Variants in DMD observed in about 807,000 individuals in gnomAD.
DMD encodes the protein mutant dystrophin.
Under a neutral mutation model 330.1 loss-of-function variants are expected in DMD, and 63 were observed. That is an observed-to-expected ratio of 0.19 (90% CI 0.16 to 0.24). DMD has a LOEUF of 0.24. DMD is among the 10% of genes least tolerant of loss of function. The pLI is 1.00. For synonymous variants in DMD, 1,223 were observed against 959.8 expected, an observed-to-expected ratio of 1.27 and a Z score of -5.07; for missense variants, 3,344 against 2,684.1, an observed-to-expected ratio of 1.25 and a Z score of -5.43.
rs138744508 is a variant in DMD at position 32,445,680 on chromosome X, G to A, written c.3786+2776C>T. On this transcript the variant is annotated intron_variant, in intron 27 of 78. Transcript: ENST00000357033. ...GGTGTAGTTATTGGAAAAATAAGACGGTGTCATGTTTATTACTCATTAAGT... is the reference window on the plus strand; with the variant it reads ...GGTGTAGTTATTGGAAAAATAAGACAGTGTCATGTTTATTACTCATTAAGT... Among the ~76,000 whole-genome samples, 138 of 110,113 alleles carry A rather than the reference G, an allele frequency of 1.3e-3. 1 individual carries two copies. The highest frequency in any genetic ancestry group is 4.7e-3 in the Middle Eastern group (1 of 215).
chrX:32,088,109 T>C (rs778969460), intron 44 of DMD, among the ~76,000 whole-genome samples: 1 of 112,383 alleles, frequency 8.9e-6, no homozygotes, highest in Non-Finnish European at 1.9e-5. Context: ...ATTTTATCCA[T>C]ATGTTAAATT....
At chrX:32,840,921 T>TA (rs1250127930) in intron 4 of DMD, among the ~76,000 whole-genome samples, 2 of 111,906 alleles carry the variant, frequency 1.8e-5, no homozygotes, top group Non-Finnish European at 3.8e-5. Flanking sequence ...ATGTCTACAA[T>TA]AGAATTGCTG....
intron 60 of DMD, among the ~76,000 whole-genome samples, chrX:31,411,642 T>C (rs1314129942): frequency 9.0e-6 from 1 of 110,943 alleles, no homozygotes; most frequent in Non-Finnish European, 1.9e-5. Flanking sequence ...AGACTCTTTT[T>C]GTTTGTTTTT....
At chrX:32,944,282 GT>G (rs1406677632) in intron 2 of DMD, among the ~76,000 whole-genome samples, 2 of 111,984 alleles carry the variant, frequency 1.8e-5, no homozygotes, top group Middle Eastern at 4.2e-3. Flanking sequence ...TTATCTATGT[GT>G]TTTCCATTTT....
rs753654711 is a variant in DMD, at chrX:31,372,161, T to C, written c.9085-23527A>G. 4.5e-5 allele frequency among the ~76,000 whole-genome samples: 5 copies of C among 111,639 alleles called. No individual in the cohort carries two copies. The South Asian group carries it at 1.5e-3, about 34-fold the overall frequency. ...GCAGAGACTATCGCTTATCTTAGACTACCTGATGTCTGGGACACTCCTGGC... is the reference window on the plus strand; with the variant it reads ...GCAGAGACTATCGCTTATCTTAGACCACCTGATGTCTGGGACACTCCTGGC... On this transcript the variant is annotated intron_variant, in intron 60 of 78. Coordinates refer to ENST00000357033, the MANE Select transcript of DMD (RefSeq NM_004006.3).
intron 2 of DMD, among the ~76,000 whole-genome samples, chrX:33,010,234 A>ACATGTGTGTATATG (rs1569549291): frequency 1.0e-5 from 1 of 96,781 alleles, no homozygotes; most frequent in Non-Finnish European, 2.1e-5. Context: ...GTGTGTATAT[A>ACATGTGTGTATATG]TGTACATATG....
chrX:32,699,286 A>G lies in DMD; in HGVS notation c.657T>C (p.Asp219=). The G allele has an allele frequency of 8.3e-7, 1 of 1,203,321 alleles. No homozygotes were observed. The highest frequency in any genetic ancestry group is 1.1e-6 in the Non-Finnish European group (1 of 887,964). ...IEKLLDPEDV[D]TTYPDKKSIL... ...TGGACTTCTTATCTGGATAGGTGGT[A>G]TCAACATCTGTAAGCACATTAACAC... is the stretch of plus-strand genomic sequence containing the variant. The change falls in exon 8 of 79, where the codon GAT becomes GAC. Residue 219 remains aspartate, a synonymous_variant. Coordinates refer to ENST00000357033, the MANE Select transcript of DMD (RefSeq NM_004006.3).
At chrX:33,055,911 A>AATGAATGT (rs1203207382) in intron 1 of DMD, among the ~76,000 whole-genome samples, 3 of 110,647 alleles carry the variant, frequency 2.7e-5, no homozygotes, top group Admixed American at 9.8e-5. Flanking sequence ...TAAATAAAGT[A>AATGAATGT]ATGAATGTAT....
Position 31,929,656 on chromosome X carries a change from G to T in DMD, c.6852C>A (p.Ser2284Arg), listed in dbSNP as rs150312394. Residue 2284 changes from serine (S) to arginine (R), a missense_variant, in exon 47 of 79, where the codon AGC becomes AGA. Coordinates refer to ENST00000357033, the MANE Select transcript of DMD (RefSeq NM_004006.3). Reference sequence around the variant, plus strand: ...TTTCAAGTTTATCTTGCTCTTCTGGGCTTATGGGAGCACTTACAAGCACGG... The same window carrying T: ...TTTCAAGTTTATCTTGCTCTTCTGGTCTTATGGGAGCACTTACAAGCACGG... ...GGPVLVSAPI[S>R]PEEQDKLENK... The T allele has an allele frequency of 1.7e-6, 2 of 1,210,869 alleles. No individual in the cohort carries two copies. Among genetic ancestry groups the T allele is most frequent in the Non-Finnish European group, 2.2e-6 (2 of 895,087 alleles).
At chrX:32,892,862 TA>T (rs1301646488) in intron 2 of DMD, among the ~76,000 whole-genome samples, 1 of 112,053 alleles carries the variant, frequency 8.9e-6, no homozygotes, top group African/African-American at 3.2e-5. Context: ...AAAACCAACT[TA>T]AAGGAATGGG....
intron 2 of DMD, among the ~76,000 whole-genome samples, chrX:32,869,545 G>T (rs2082782462): frequency 9.8e-6 from 1 of 101,548 alleles, no homozygotes; most frequent in Non-Finnish European, 2.0e-5. Flanking sequence ...TATCAGTCTA[G>T]AGAGTAACAT....
chrX:31,365,595 T>A (rs2059186570), intron 60 of DMD, among the ~76,000 whole-genome samples: 1 of 112,387 alleles, frequency 8.9e-6, no homozygotes, highest in African/African-American at 3.2e-5. Flanking sequence ...TGACAGGTCC[T>A]AAGAGATACC....
intron 1 of DMD, among the ~76,000 whole-genome samples, chrX:33,224,464 T>A (rs779529405): frequency 9.0e-6 from 1 of 111,695 alleles, no homozygotes; most frequent in Admixed American, 9.5e-5. Flanking sequence ...AGGAAGCCAA[T>A]CTGAAAATGC....
At chrX:32,912,326 T>C (rs12012511) in intron 2 of DMD, among the ~76,000 whole-genome samples, 124 of 110,400 alleles carry the variant, frequency 1.1e-3, no homozygotes, top group African/African-American at 4.0e-3. Flanking sequence ...GAGCTGGAAG[T>C]CACCTGGAAA....
rs369055628 is a variant in DMD, at chrX:32,346,040, C to A, written c.5489G>T (p.Arg1830Ile). The stretch of plus-strand genomic sequence containing the variant: ...GATTCTTTGTTGTAAGTTGTCTCCT[C>A]TTTGCAACAATTCTTTTACAGTACC... ...NEGTVKELLQRGDNLQQRITD... is the reference protein window; with the variant it reads ...NEGTVKELLQIGDNLQQRITD... Residue 1830 changes from arginine (R) to isoleucine (I), a missense_variant, in exon 39 of 79, where the codon AGA becomes ATA. Coordinates refer to ENST00000357033, the MANE Select transcript of DMD (RefSeq NM_004006.3). 58 of 1,207,604 alleles carry A rather than the reference C, an allele frequency of 4.8e-5. No individual in the cohort carries two copies. The highest frequency in any genetic ancestry group is 6.4e-5 in the Non-Finnish European group (57 of 893,679).
intron 7 of DMD, among the ~76,000 whole-genome samples, chrX:32,757,971 G>A (rs150551852): frequency 8.3e-4 from 93 of 111,523 alleles, no homozygotes; most frequent in Middle Eastern, 9.3e-3. Context: ...GGAAGAGGAG[G>A]GAGGAAAATA....
At chrX:33,050,619 C>G (rs772939086) in intron 1 of DMD, among the ~76,000 whole-genome samples, 1 of 111,413 alleles carries the variant, frequency 9.0e-6, no homozygotes, top group African/African-American at 3.3e-5. Context: ...TGATTTCAAC[C>G]TCTAGCCTTC....
At chrX:31,479,209 A>G (rs950396028) in intron 57 of DMD, 106 bp from the exon 58 acceptor site, 1 of 923,239 alleles carries the variant, frequency 1.1e-6, no homozygotes, top group African/African-American at 1.9e-5. Context: ...GTCAATTTCT[A>G]TCTCTTTTAT....
intron 44 of DMD, among the ~76,000 whole-genome samples, chrX:31,984,949 G>A (rs1445154023): frequency 8.9e-6 from 1 of 111,810 alleles, no homozygotes; most frequent in Non-Finnish European, 1.9e-5. Context: ...AGGTCATACT[G>A]AAACAATGAT....
Sources: gnomAD v4.1 joint callset for allele counts (sites outside exome capture counted in the v4.1 genomes callset) on GRCh38, gnomAD v4.1.1 for gene constraint, MANE v1.5 for transcripts, NCBI Gene and HGNC (gene_info 2026-07-23, HGNC 2026-07-21) for gene names.